CYTH3: variants seen among roughly 807,000 people sequenced by gnomAD.
CYTH3 encodes cytohesin-3.
In CYTH3, 23 loss-of-function variants were observed where a neutral mutation model predicts 55.1. The observed-to-expected ratio is 0.42, with a 90% CI of 0.30 to 0.59. The LOEUF is 0.59. Among genes scored for constraint, CYTH3 ranks in the 20% least tolerant of loss-of-function variants. The pLI, the probability that CYTH3 is intolerant of heterozygous loss-of-function variation, is 0.20. For synonymous variants in CYTH3, 249 were observed against 194.9 expected, an observed-to-expected ratio of 1.28 and a Z score of -2.31; for missense variants, 413 against 524.8, an observed-to-expected ratio of 0.79 and a Z score of 2.08.
chr7:6,182,465 T>A (rs77836474), intron 4 of CYTH3, among the ~76,000 whole-genome samples: 1,943 of 152,284 alleles, frequency 0.013, 40 homozygotes, highest in African/African-American at 0.044. Flanking sequence ...CCTTCTGCCT[T>A]AGCCTCCCAG....
rs146337185 is a variant in CYTH3 at position 6,232,433 on chromosome 7, C to G, written c.34+40041G>C. Among the ~76,000 whole-genome samples, 42 of 152,258 alleles carry G rather than the reference C, an allele frequency of 2.8e-4. No homozygotes were observed. The East Asian group carries it at 7.7e-3, about 28-fold the overall frequency. On this transcript the variant is annotated intron_variant, in intron 1 of 12. Coordinates refer to ENST00000350796, the MANE Select transcript of CYTH3 (RefSeq NM_004227.4). ...ATTCCCCTGCTCCTTCTAAGGCTAT[C>G]GTGACAGGTGGACCACATGGCCTGT...
intron 4 of CYTH3, among the ~76,000 whole-genome samples, chr7:6,186,175 C>T (rs1028847553): frequency 4.9e-5 from 7 of 143,404 alleles, no homozygotes; most frequent in East Asian, 2.2e-4. Flanking sequence ...ACCCGGGAGG[C>T]GGAGCTTGCA....
At chr7:6,240,953 A>G (rs1040933348) in intron 1 of CYTH3, among the ~76,000 whole-genome samples, 4 of 143,994 alleles carry the variant, frequency 2.8e-5, no homozygotes, top group Non-Finnish European at 4.6e-5. Context: ...GTCTCTGCTG[A>G]AAAAAAAAAA....
chr7:6,218,399 A>T (rs1282151497), intron 1 of CYTH3, among the ~76,000 whole-genome samples: 1 of 152,064 alleles, frequency 6.6e-6, no homozygotes, highest in East Asian at 1.9e-4. Context: ...AAGGGAAGAA[A>T]ATGCATTCTC....
chr7:6,205,292 G>C (rs938128813), intron 1 of CYTH3, among the ~76,000 whole-genome samples: 3 of 152,070 alleles, frequency 2.0e-5, no homozygotes, highest in Middle Eastern at 3.2e-3. Context: ...TACCAACAAA[G>C]GCCAGGCACG....
chr7:6,175,785 G>A (rs1324835126), intron 5 of CYTH3, among the ~76,000 whole-genome samples: 1 of 152,066 alleles, frequency 6.6e-6, no homozygotes, highest in African/African-American at 2.4e-5. Flanking sequence ...GACCTCAGGT[G>A]ATCTGCCCGT....
chr7:6,170,683 C>G lies in CYTH3; in HGVS notation c.712-37G>C. Reference sequence around the variant, plus strand: ...GAAAACAGCAGCCAGTTCAGAGACTCGGAGGAAAATGGCTGGCCGGGCAGA... The same window carrying G: ...GAAAACAGCAGCCAGTTCAGAGACTGGGAGGAAAATGGCTGGCCGGGCAGA... On this transcript the variant is annotated intron_variant, in intron 8 of 12. Coordinates refer to ENST00000350796, the MANE Select transcript of CYTH3 (RefSeq NM_004227.4). This position sits in a 1 kb window ranked among gnomAD's most constrained non-coding sequence, Gnocchi z 7.8. The G allele has an allele frequency of 1.3e-6, 2 of 1,599,316 alleles. No individual in the cohort carries two copies. The highest frequency in any genetic ancestry group is 1.7e-6 in the Non-Finnish European group (2 of 1,171,780).
Position 6,165,758 on chromosome 7 carries a change from G to A in CYTH3, c.876C>T (p.Cys292=), listed in dbSNP as rs759551355. 4 of 1,614,186 alleles carry A rather than the reference G, an allele frequency of 2.5e-6. No individual in the cohort carries two copies. Among genetic ancestry groups the A allele is most frequent in the South Asian group, 2.2e-5 (2 of 91,078 alleles). Residue 292 remains cysteine, a synonymous_variant, in exon 10 of 13, where the codon TGC becomes TGT. Transcript: ENST00000350796. ...KRRWFILTDN[C]LYYFEYTTDK... Reference sequence around the variant, plus strand: ...CTGTTGTGTATTCAAAGTAATAGAGGCAGTTATCGGTCAGGATGAACCACC... The same window carrying A: ...CTGTTGTGTATTCAAAGTAATAGAGACAGTTATCGGTCAGGATGAACCACC...
chr7:6,236,799 G>C (rs6960684), intron 1 of CYTH3, among the ~76,000 whole-genome samples: 3,837 of 152,092 alleles, frequency 0.025, 112 homozygotes, highest in East Asian at 0.081. Flanking sequence ...CTGACCTCAA[G>C]TGATCCACCC....
rs1341653666 is a variant in CYTH3 at position 6,171,486 on chromosome 7, T to C, written c.450-172A>G. On this transcript the variant is annotated intron_variant, in intron 6 of 12. Coordinates refer to ENST00000350796, the MANE Select transcript of CYTH3 (RefSeq NM_004227.4). The surrounding 1 kb of genome is among the most constrained non-coding windows in gnomAD (Gnocchi z 6.7). The stretch of plus-strand genomic sequence containing the variant: ...AAGGAGAAGACCCAGGACAGTCTCC[T>C]TCCGTTCCATAACTCGAGACACGCT... 2.0e-5 allele frequency among the ~76,000 whole-genome samples: 3 copies of C among 152,182 alleles called. No individual in the cohort carries two copies. Among genetic ancestry groups the C allele is most frequent in the African/African-American group, 7.2e-5 (3 of 41,432 alleles).
chr7:6,259,792 TATATATATATA>T (rs1780274386), intron 1 of CYTH3, among the ~76,000 whole-genome samples: 3 of 15,012 alleles, frequency 2.0e-4, no homozygotes, highest in Non-Finnish European at 2.6e-4. Flanking sequence ...ATAATATATA[TATATATATATA>T]TATATATATA....
At chr7:6,215,362 G>C (rs376233020) in intron 1 of CYTH3, among the ~76,000 whole-genome samples, 2 of 152,204 alleles carry the variant, frequency 1.3e-5, no homozygotes, top group African/African-American at 2.4e-5. Context: ...ATGCCGAGGC[G>C]GGCGGATCAC....
chr7:6,170,368 G>A lies in CYTH3; in HGVS notation c.823+167C>T. The stretch of plus-strand genomic sequence containing the variant: ...TCTGAGGCCCCGGCTCGGAGAAGCA[G>A]CCGTGGCCATGCAGCTACCGAGAGC... On this transcript the variant is annotated intron_variant, in intron 9 of 12. Transcript: ENST00000350796. The surrounding 1 kb of genome is among the most constrained non-coding windows in gnomAD (Gnocchi z 7.8). 2 of 644,212 alleles carry A rather than the reference G, an allele frequency of 3.1e-6. No homozygotes were observed. The highest frequency in any genetic ancestry group is 4.0e-5 in the South Asian group (2 of 49,416). The allele number at this position is 644,212 out of a possible 1,614,324, so 39.9% of individuals were successfully genotyped here.
chr7:6,241,893 G>A (rs138115687), intron 1 of CYTH3, among the ~76,000 whole-genome samples: 409 of 152,252 alleles, frequency 2.7e-3, no homozygotes, highest in African/African-American at 9.4e-3. Flanking sequence ...ACAGGAGGCA[G>A]TGATAAGAAT....
chr7:6,189,352 A>G (rs1212731166), intron 2 of CYTH3, among the ~76,000 whole-genome samples: 1 of 151,618 alleles, frequency 6.6e-6, no homozygotes, highest in Non-Finnish European at 1.5e-5. Context: ...TCTGTTGCCC[A>G]GTCCGCAGTA....
At chr7:6,168,614 T>G (rs924379392) in intron 9 of CYTH3, among the ~76,000 whole-genome samples, 1 of 152,210 alleles carries the variant, frequency 6.6e-6, no homozygotes, top group Non-Finnish European at 1.5e-5. Context: ...CCACGCCAGC[T>G]GGACCAGCCC....
chr7:6,199,339 G>A (rs538841219), intron 1 of CYTH3, among the ~76,000 whole-genome samples: 1 of 152,278 alleles, frequency 6.6e-6, no homozygotes, highest in African/African-American at 2.4e-5. Context: ...GATTTATCCT[G>A]TTGCCTGAAA....
At chr7:6,168,497 C>A (rs543599267) in intron 9 of CYTH3, among the ~76,000 whole-genome samples, 2 of 152,136 alleles carry the variant, frequency 1.3e-5, no homozygotes, top group African/African-American at 4.8e-5. Context: ...CCTTTGGTCT[C>A]GAACTTTGTT....
At chr7:6,255,557 G>C (rs867127019) in intron 1 of CYTH3, among the ~76,000 whole-genome samples, 1 of 152,070 alleles carries the variant, frequency 6.6e-6, no homozygotes, top group African/African-American at 2.4e-5. Context: ...CTGGGCTGAG[G>C]ACCAGAAAGG....
Sources: gnomAD v4.1 joint callset for allele counts (sites outside exome capture counted in the v4.1 genomes callset) on GRCh38, gnomAD v4.1.1 for gene constraint, Gnocchi (gnomAD v3.1) non-coding constraint, MANE v1.5 for transcripts, NCBI Gene and HGNC (gene_info 2026-07-23, HGNC 2026-07-21) for gene names.